ACSBG2: variants seen among roughly 807,000 people sequenced by gnomAD.
The protein encoded by ACSBG2 is long-chain-fatty-acid--CoA ligase ACSBG2.
A neutral mutation model predicts 74.7 loss-of-function variants in ACSBG2; 62 were observed. The ratio of observed to expected loss-of-function variants is 0.83; its 90% confidence interval spans 0.68 to 1.03. The LOEUF is 1.03. Ranked by LOEUF, ACSBG2 falls within the 50% of genes least tolerant of loss-of-function variation. The pLI, the probability that ACSBG2 is intolerant of heterozygous loss-of-function variation, is 0.00. For missense variants in ACSBG2, 730 were observed against 817.6 expected (o/e 0.89, Z 1.31); for synonymous variants, 309 against 294.1 (o/e 1.05, Z -0.52).
intron 1 of ACSBG2, among the ~76,000 whole-genome samples, chr19:6,138,602 G>A (rs375498490): frequency 1.8e-4 from 17 of 96,276 alleles, no homozygotes; most frequent in East Asian, 1.6e-3. Flanking sequence ...AAGAGAGAGG[G>A]AGGAAGGAAG....
At chr19:6,158,060 CTT>C (rs11359693) in intron 5 of ACSBG2, among the ~76,000 whole-genome samples, 77 of 132,390 alleles carry the variant, frequency 5.8e-4, no homozygotes, top group Middle Eastern at 3.9e-3. Flanking sequence ...CTTTTTTTTT[CTT>C]TTTTTTTTTT....
chr19:6,151,637 G>A (rs112492507), intron 3 of ACSBG2, 70 bp from the exon 4 acceptor site: 42,332 of 1,447,396 alleles, frequency 0.029, 782 homozygotes, highest in South Asian at 0.053. Flanking sequence ...TGATTCTGTC[G>A]TCACATATCC....
intron 10 of ACSBG2, 133 bp downstream of exon 10, chr19:6,183,405 C>A: frequency 1.3e-6 from 1 of 741,090 alleles, no homozygotes; most frequent in Non-Finnish European, 2.2e-6. Context: ...TGTTCTCCAG[C>A]CTCCAAGTCC....
chr19:6,150,103 TAATAAAATAA>T (rs377566361), intron 3 of ACSBG2, among the ~76,000 whole-genome samples: 12 of 150,934 alleles, frequency 8.0e-5, no homozygotes, highest in Non-Finnish European at 8.9e-5. Context: ...AAAATAATAA[TAATAAAATAA>T]AATAAAATAA....
At position 6,151,805 on chromosome 19, in the gene ACSBG2, T is replaced by C. The variant is rs775150890; in HGVS notation, c.386+10T>C. 2.9e-5 allele frequency: 46 copies of C among 1,581,312 alleles called. No homozygotes were observed. The highest frequency in any genetic ancestry group is 9.2e-5 in the Admixed American group (5 of 54,184). ...GTGCCATCCTAGCCGGGTAAGGTCATTGGCTTGGTTCATGGTGAGGGTTAA... is the reference window on the plus strand; with the variant it reads ...GTGCCATCCTAGCCGGGTAAGGTCACTGGCTTGGTTCATGGTGAGGGTTAA... On this transcript the variant is annotated intron_variant, in intron 4 of 14. Coordinates refer to ENST00000588485, the MANE Select transcript of ACSBG2 (RefSeq NM_030924.5).
chr19:6,147,561 C>T lies in ACSBG2; in HGVS notation c.183C>T (p.Val61=), dbSNP rs1361594655. Residue 61 remains valine, a synonymous_variant, in exon 3 of 15, where the codon GTC becomes GTT. Coordinates refer to ENST00000588485, the MANE Select transcript of ACSBG2 (RefSeq NM_030924.5). Reference sequence around the variant, plus strand: ...TCCCTGAATTTTTTCGAGAGTCAGTCAACCGATTTGGAACTTATCCAGCCC... The same window carrying T: ...TCCCTGAATTTTTTCGAGAGTCAGTTAACCGATTTGGAACTTATCCAGCCC... ...MTIPEFFRES[V]NRFGTYPALA... is the part of the protein sequence containing the mutation. 6 of 1,614,198 alleles carry T rather than the reference C, an allele frequency of 3.7e-6. No homozygotes were observed. Among genetic ancestry groups the T allele is most frequent in the South Asian group, 3.3e-5 (3 of 91,078 alleles).
rs1023511464 is a variant in ACSBG2 at position 6,180,569 on chromosome 19, T to C, written c.907-2182T>C. Among the ~76,000 whole-genome samples the C allele has an allele frequency of 6.6e-6, 1 of 152,178 alleles. No homozygotes were observed. The highest frequency in any genetic ancestry group is 6.6e-5 in the Admixed American group (1 of 15,262). ...CCCATTTTCCCACATCCTTACCAAC[T>C]CCTAATATTGTCAAAATGTTTACAA... On this transcript the variant is annotated intron_variant, in intron 8 of 14. Coordinates refer to ENST00000588485, the MANE Select transcript of ACSBG2 (RefSeq NM_030924.5). This position sits in a 1 kb window ranked among gnomAD's most constrained non-coding sequence, Gnocchi z 4.3.
At chr19:6,166,280 T>TTGTGTGTGTGTG (rs35422900) in intron 7 of ACSBG2, among the ~76,000 whole-genome samples, 1,435 of 119,086 alleles carry the variant, frequency 0.012, 46 homozygotes, top group African/African-American at 0.027. Context: ...GTCAGGAAGG[T>TTGTGTGTGTGTG]TGTGTGTGTG....
rs769564474 is a variant in ACSBG2, at chr19:6,187,722, CT to C, written c.1805del (p.Leu602ArgfsTer13). On this transcript the variant is annotated frameshift_variant, in exon 13 of 15. Transcript: ENST00000588485. LOFTEE classifies it high-confidence loss of function. The stretch of plus-strand genomic sequence containing the variant: ...TGAGATTGTGAAGCAGCAAGACCCC[CT>C]GGTCTACAAGGCCATCCAGCAAGGC... ...VTEIVKQQDPLVYKAIQQGIN... is the reference protein window; with the variant it reads ...VTEIVKQQDPXVYKAIQQGIN... 3 of 1,614,186 alleles carry C rather than the reference CT, an allele frequency of 1.9e-6. No homozygotes were observed. Among genetic ancestry groups the C allele is most frequent in the Non-Finnish European group, 1.7e-6 (2 of 1,180,030 alleles).
chr19:6,171,181 T>C (rs1391263184), intron 7 of ACSBG2, among the ~76,000 whole-genome samples: 1 of 152,170 alleles, frequency 6.6e-6, no homozygotes, highest in East Asian at 1.9e-4. Flanking sequence ...TTTATCAAAT[T>C]TGTCACTCTA....
At chr19:6,162,460 G>T (rs113936714) in intron 6 of ACSBG2, among the ~76,000 whole-genome samples, 2 of 147,482 alleles carry the variant, frequency 1.4e-5, no homozygotes, top group Admixed American at 1.4e-4. Context: ...CCAGCTACTC[G>T]GGAGGCTGAG....
At chr19:6,143,271 C>T (rs543509084) in intron 2 of ACSBG2, among the ~76,000 whole-genome samples, 1 of 151,992 alleles carries the variant, frequency 6.6e-6, no homozygotes, top group Admixed American at 6.6e-5. Context: ...AATGTATTGT[C>T]TCACAATTCT....
chr19:6,166,354 T>C (rs1478948550), intron 7 of ACSBG2, among the ~76,000 whole-genome samples: 2 of 144,576 alleles, frequency 1.4e-5, no homozygotes, highest in African/African-American at 5.6e-5. Context: ...TCTCCCTCTG[T>C]CGCCCAGGCT....
At chr19:6,176,258 G>A (rs983879328) in intron 7 of ACSBG2, 1 of 1,335,446 alleles carries the variant, frequency 7.5e-7, no homozygotes, top group African/African-American at 1.5e-5. Flanking sequence ...GGGGCCCCAG[G>A]TCCTTACTCG....
chr19:6,136,419 G>A (rs909757351), intron 1 of ACSBG2, among the ~76,000 whole-genome samples: 3 of 151,746 alleles, frequency 2.0e-5, no homozygotes, highest in African/African-American at 4.8e-5. Flanking sequence ...GTAGAGATGG[G>A]GTTTCGCCAT....
chr19:6,145,925 T>A (rs1337853325), intron 2 of ACSBG2, among the ~76,000 whole-genome samples: 2 of 152,152 alleles, frequency 1.3e-5, no homozygotes, highest in African/African-American at 4.8e-5. Context: ...TGCTCCACCA[T>A]TTTTGTGACA....
intron 2 of ACSBG2, 67 bp from the exon 3 acceptor site, chr19:6,147,379 C>A: frequency 7.3e-7 from 1 of 1,373,336 alleles, no homozygotes; most frequent in South Asian, 1.2e-5. Flanking sequence ...AGACACCAAC[C>A]GCCCCCCGTC....
chr19:6,186,110 G>A (rs990302912), intron 11 of ACSBG2, among the ~76,000 whole-genome samples: 4 of 149,340 alleles, frequency 2.7e-5, no homozygotes, highest in Admixed American at 2.6e-4. Context: ...ATGGGCTTGA[G>A]TAAAAAAGTG....
rs1328120617 is a variant in ACSBG2 at position 6,135,685 on chromosome 19, G to A, written c.-256G>A. 1 of 152,356 alleles carries A rather than the reference G, an allele frequency of 6.6e-6. No individual in the cohort carries two copies. The highest frequency in any genetic ancestry group is 2.4e-5 in the African/African-American group (1 of 41,446). The allele number at this position is 152,356 out of a possible 1,614,324, so 9.4% of individuals were successfully genotyped here. On this transcript the variant is annotated 5_prime_UTR_variant, in exon 1 of 15. Transcript: ENST00000588485. ...GAAGGTTGAATGGGGTAGAAGGCCT[G>A]TTGTGGAGGGAAACCACCCATCCTC...
Sources: gnomAD v4.1 joint callset for allele counts (sites outside exome capture counted in the v4.1 genomes callset) on GRCh38, gnomAD v4.1.1 for gene constraint, Gnocchi (gnomAD v3.1) non-coding constraint, MANE v1.5 for transcripts, NCBI Gene and HGNC (gene_info 2026-07-23, HGNC 2026-07-21) for gene names.